Variants in CTNNA3 observed in about 807,000 individuals in gnomAD.
CTNNA3 encodes catenin alpha 3.
In CTNNA3, 76 loss-of-function variants were observed where a neutral mutation model predicts 95.7. The ratio of observed to expected loss-of-function variants is 0.79; its 90% confidence interval spans 0.66 to 0.96. The LOEUF (loss-of-function observed/expected upper bound fraction) is 0.96, where lower values mean the gene tolerates loss of function less well. Ranked by LOEUF, CTNNA3 falls within the 40% of genes least tolerant of loss-of-function variation. The probability of loss-of-function intolerance (pLI) is 0.00; values close to 1 mark genes in which losing one functional copy is unlikely to be tolerated. For missense variants in CTNNA3, 1,191 were observed against 1,089.8 expected (o/e 1.09, Z -1.31); for synonymous variants, 431 against 374.4 (o/e 1.15, Z -1.74).
At chr10:66,071,874 T>C (rs1168950461) in intron 14 of CTNNA3, among the ~76,000 whole-genome samples, 2 of 152,206 alleles carry the variant, frequency 1.3e-5, no homozygotes, top group Non-Finnish European at 2.9e-5. Context: ...TATAATATTA[T>C]CCATTATTTT....
At chr10:66,868,330 A>T (rs756490374) in intron 7 of CTNNA3, among the ~76,000 whole-genome samples, 14 of 151,356 alleles carry the variant, frequency 9.2e-5, no homozygotes, top group Non-Finnish European at 1.5e-5. Context: ...GCGCCATTGC[A>T]CTCCAGCCTG....
intron 7 of CTNNA3, among the ~76,000 whole-genome samples, chr10:66,816,774 G>A (rs1287009673): frequency 6.6e-6 from 1 of 151,946 alleles, no homozygotes; most frequent in East Asian, 1.9e-4. Context: ...CCATATGTTA[G>A]GCAGTGAAAA....
In CTNNA3 at chr10:66,367,887, AT is replaced by A. The variant is rs1370830042; in HGVS notation, c.1732+11264del. ...AATAATAATAATAATAATAATTATT[AT>A]TATTATTATTATTATTATTATTATT... On this transcript the variant is annotated intron_variant, in intron 12 of 17. Coordinates refer to ENST00000433211, the MANE Select transcript of CTNNA3 (RefSeq NM_013266.4). Among the ~76,000 whole-genome samples, 29 of 12,342 alleles carry A rather than the reference AT, an allele frequency of 2.3e-3. 1 individual carries two copies. Among genetic ancestry groups the A allele is most frequent in the African/African-American group, 6.3e-3 (27 of 4,278 alleles). The allele number at this position is 12,342 out of a possible 152,430, so 8.1% of individuals were successfully genotyped here.
chr10:66,924,900 C>T (rs1156868894), intron 7 of CTNNA3, among the ~76,000 whole-genome samples: 1 of 152,060 alleles, frequency 6.6e-6, no homozygotes, highest in African/African-American at 2.4e-5. Context: ...AAATTGTAGC[C>T]AGGAGTTGGA....
intron 7 of CTNNA3, among the ~76,000 whole-genome samples, chr10:66,982,794 G>T (rs1850514827): frequency 6.6e-6 from 1 of 152,168 alleles, no homozygotes; most frequent in South Asian, 2.1e-4. Flanking sequence ...AGGTATGAAT[G>T]GAGTCTTGCC....
intron 13 of CTNNA3, among the ~76,000 whole-genome samples, chr10:66,208,876 G>C (rs1000265660): frequency 6.6e-6 from 1 of 152,050 alleles, no homozygotes; most frequent in South Asian, 2.1e-4. Flanking sequence ...GGGCCCAGGG[G>C]ACACTGGAGT....
intron 7 of CTNNA3, among the ~76,000 whole-genome samples, chr10:67,128,514 G>A (rs765039084): frequency 3.3e-5 from 5 of 151,584 alleles, no homozygotes; most frequent in South Asian, 2.1e-4. Flanking sequence ...CAATATTCTC[G>A]ATCACAAGCA....
chr10:66,696,904 G>C (rs1401828628), intron 9 of CTNNA3, among the ~76,000 whole-genome samples: 6 of 152,050 alleles, frequency 3.9e-5, no homozygotes, highest in Non-Finnish European at 8.8e-5. Flanking sequence ...ATGCCACAGA[G>C]TGAGATACTG....
intron 1 of CTNNA3, among the ~76,000 whole-genome samples, chr10:67,726,432 C>CATATATAATATTATATATG (rs1491155133): frequency 9.5e-4 from 49 of 51,410 alleles, no homozygotes; most frequent in African/African-American, 4.4e-3. Context: ...TATATTATAT[C>CATATATAATATTATATATG]ATATATAATA....
chr10:66,888,286 T>G (rs1589379391), intron 7 of CTNNA3, among the ~76,000 whole-genome samples: 1 of 152,308 alleles, frequency 6.6e-6, no homozygotes, highest in African/African-American at 2.4e-5. Flanking sequence ...CACTTGGAAC[T>G]GAATTCTGTA....
intron 3 of CTNNA3, among the ~76,000 whole-genome samples, chr10:67,546,616 CTT>C (rs1258186107): frequency 1.3e-5 from 2 of 152,094 alleles, no homozygotes; most frequent in African/African-American, 4.8e-5. Flanking sequence ...GGATTTATAA[CTT>C]AAATAAATGT....
intron 13 of CTNNA3, among the ~76,000 whole-genome samples, chr10:66,128,249 TAAC>T (rs2082915124): frequency 6.6e-6 from 1 of 151,958 alleles, no homozygotes; most frequent in African/African-American, 2.4e-5. Context: ...GCAATAGAAA[TAAC>T]AACTTATTTA....
chr10:67,149,108 C>A (rs1208827703), intron 7 of CTNNA3, among the ~76,000 whole-genome samples: 1 of 152,124 alleles, frequency 6.6e-6, no homozygotes, highest in African/African-American at 2.4e-5. Context: ...AAACGCCCAA[C>A]ATAAAATTTA....
chr10:66,471,650 A>G (rs1839136635), intron 11 of CTNNA3, among the ~76,000 whole-genome samples: 1 of 151,900 alleles, frequency 6.6e-6, no homozygotes, highest in Non-Finnish European at 1.5e-5. Context: ...ATTATAATTT[A>G]ATTAACAACA....
At chr10:66,431,058 A>AG (rs1424987325) in intron 11 of CTNNA3, among the ~76,000 whole-genome samples, 1 of 151,982 alleles carries the variant, frequency 6.6e-6, no homozygotes, top group Non-Finnish European at 1.5e-5. Flanking sequence ...TACAAGAAAA[A>AG]AAAAAACCCA....
intron 5 of CTNNA3, among the ~76,000 whole-genome samples, chr10:67,355,247 C>T (rs1465533794): frequency 6.6e-6 from 1 of 151,800 alleles, no homozygotes. Context: ...GACCCCATTC[C>T]CTGTCCCTAT....
intron 9 of CTNNA3, among the ~76,000 whole-genome samples, chr10:66,666,002 A>G (rs558887547): frequency 5.6e-4 from 85 of 152,278 alleles, no homozygotes; most frequent in African/African-American, 1.9e-3. Context: ...TCATTGAGTC[A>G]CAGAATCTTA....
At chr10:66,129,506 C>T (rs2082986226) in intron 13 of CTNNA3, among the ~76,000 whole-genome samples, 1 of 152,076 alleles carries the variant, frequency 6.6e-6, no homozygotes, top group Non-Finnish European at 1.5e-5. Context: ...ACCTTAAGCT[C>T]GACTTGCTTC....
chr10:67,184,162 T>A (rs907012816), intron 6 of CTNNA3, among the ~76,000 whole-genome samples: 3 of 152,202 alleles, frequency 2.0e-5, no homozygotes, highest in African/African-American at 7.2e-5. Context: ...AACACTCTTA[T>A]AATAAGTAGT....
Sources: gnomAD v4.1 joint callset for allele counts (sites outside exome capture counted in the v4.1 genomes callset) on GRCh38, gnomAD v4.1.1 for gene constraint, MANE v1.5 for transcripts, NCBI Gene and HGNC (gene_info 2026-07-23, HGNC 2026-07-21) for gene names.